Variants in GALNT14 observed in about 807,000 individuals in gnomAD.
GALNT14 encodes UDP-GalNAc:polypeptide N-acetylgalactosaminyltransferase 14.
A neutral mutation model predicts 77.5 loss-of-function variants in GALNT14; 60 were observed. The observed-to-expected ratio is 0.77, with a 90% CI of 0.63 to 0.96. GALNT14 has a LOEUF of 0.96. Among genes scored for constraint, GALNT14 ranks in the 40% least tolerant of loss-of-function variants. The probability of loss-of-function intolerance (pLI) is 0.00; values close to 1 mark genes in which losing one functional copy is unlikely to be tolerated. For missense variants in GALNT14, 710 were observed against 731.0 expected, an observed-to-expected ratio of 0.97 and a Z score of 0.33; for synonymous variants, 280 against 281.7, an observed-to-expected ratio of 0.99 and a Z score of 0.06.
chr2:31,082,716 A>C (rs1006276919), intron 1 of GALNT14, among the ~76,000 whole-genome samples: 1 of 152,164 alleles, frequency 6.6e-6, no homozygotes, highest in Non-Finnish European at 1.5e-5. Context: ...AAAAAGGAAG[A>C]AATAATGATA....
the GALNT14 span, among the ~76,000 whole-genome samples, chr2:30,889,315 C>T: frequency 5.3e-5 from 8 of 152,136 alleles, no homozygotes; most frequent in South Asian, 2.1e-4. Flanking sequence ...AGCAGGACTG[C>T]GGGGTATACT....
intron 1 of GALNT14, among the ~76,000 whole-genome samples, chr2:31,083,420 G>A (rs140577845): frequency 4.2e-4 from 64 of 152,294 alleles, no homozygotes; most frequent in African/African-American, 1.4e-3. Context: ...AATCATTAAC[G>A]AGCTGTCTGG....
At chr2:31,017,102 A>G (rs2148452873) in intron 1 of GALNT14, among the ~76,000 whole-genome samples, 1 of 152,340 alleles carries the variant, frequency 6.6e-6, no homozygotes, top group Admixed American at 6.5e-5. Flanking sequence ...TGTCTGGCCC[A>G]TGCTCTTTCT....
intron 1 of GALNT14, among the ~76,000 whole-genome samples, chr2:31,053,115 G>A (rs1473287690): frequency 6.6e-6 from 1 of 152,082 alleles, no homozygotes; most frequent in East Asian, 1.9e-4. Context: ...CAGCTCACTT[G>A]CCCCCAAGCC....
intron 13 of GALNT14, among the ~76,000 whole-genome samples, chr2:30,920,939 A>AACCC (rs1420065256): frequency 1.3e-5 from 2 of 152,140 alleles, no homozygotes; most frequent in African/African-American, 4.8e-5. Flanking sequence ...TGGTGACACC[A>AACCC]ACCCAGTTGT....
chr2:31,125,844 C>A (rs2194472), intron 1 of GALNT14, among the ~76,000 whole-genome samples: 1 of 152,154 alleles, frequency 6.6e-6, no homozygotes, highest in Non-Finnish European at 1.5e-5. Context: ...CAGGACGATT[C>A]CTCTCTGAGG....
intron 1 of GALNT14, among the ~76,000 whole-genome samples, chr2:31,131,410 C>G (rs1322234965): frequency 2.0e-5 from 3 of 152,140 alleles, no homozygotes; most frequent in Non-Finnish European, 4.4e-5. Flanking sequence ...TTCTAGGTCT[C>G]TGGGGTGGAA....
intron 3 of GALNT14, among the ~76,000 whole-genome samples, chr2:30,960,457 G>A (rs1344323440): frequency 2.0e-5 from 3 of 151,738 alleles, no homozygotes; most frequent in Non-Finnish European, 4.4e-5. Flanking sequence ...GATGATTAGT[G>A]AATAAAAAAT....
chr2:31,048,832 C>T (rs1558524907), intron 1 of GALNT14, among the ~76,000 whole-genome samples: 2 of 152,094 alleles, frequency 1.3e-5, no homozygotes, highest in Admixed American at 1.3e-4. Context: ...GAGAAGTGCC[C>T]CACGTCCTTG....
At chr2:30,901,957 T>G in the GALNT14 span, among the ~76,000 whole-genome samples, 1 of 152,182 alleles carries the variant, frequency 6.6e-6, no homozygotes, top group African/African-American at 2.4e-5. Flanking sequence ...CTGATAGCAT[T>G]TGACAAACTT....
At chr2:31,026,106 G>A (rs762035292) in intron 1 of GALNT14, among the ~76,000 whole-genome samples, 15 of 152,156 alleles carry the variant, frequency 9.9e-5, no homozygotes, top group Admixed American at 3.9e-4. Flanking sequence ...CAGAGAGCTC[G>A]TCCTCAGACA....
intron 10 of GALNT14, among the ~76,000 whole-genome samples, chr2:30,930,840 C>G (rs533809558): frequency 6.6e-6 from 1 of 152,264 alleles, no homozygotes; most frequent in African/African-American, 2.4e-5. Context: ...ACATTGGAAG[C>G]TGTTTAGCAG....
intron 1 of GALNT14, among the ~76,000 whole-genome samples, chr2:31,053,611 A>G (rs138972553): frequency 6.6e-6 from 1 of 152,284 alleles, no homozygotes; most frequent in Non-Finnish European, 1.5e-5. Context: ...CCCCTGAGGC[A>G]TCTGCTCCAT....
chr2:31,060,885 A>G (rs1281905797), intron 1 of GALNT14, among the ~76,000 whole-genome samples: 1 of 152,194 alleles, frequency 6.6e-6, no homozygotes, highest in Non-Finnish European at 1.5e-5. Flanking sequence ...CAGCAGTGTG[A>G]TGGGCTTCTA....
the GALNT14 span, among the ~76,000 whole-genome samples, chr2:30,895,373 A>T: frequency 6.6e-6 from 1 of 152,184 alleles, no homozygotes; most frequent in Non-Finnish European, 1.5e-5. Context: ...ACGGAGACAC[A>T]AAGTGTTCCA....
intron 1 of GALNT14, among the ~76,000 whole-genome samples, chr2:31,035,612 CACACCT>C (rs1302463888): frequency 0.012 from 500 of 40,246 alleles, 11 homozygotes; most frequent in Middle Eastern, 0.094. Flanking sequence ...CACACACACA[CACACCT>C]ACACACACAC....
chr2:31,112,282 T>C (rs1677879315), intron 1 of GALNT14, among the ~76,000 whole-genome samples: 1 of 152,228 alleles, frequency 6.6e-6, no homozygotes, highest in Non-Finnish European at 1.5e-5. Context: ...AACCTGTGCT[T>C]GCCAACAACA....
downstream of GALNT14, among the ~76,000 whole-genome samples, chr2:30,907,793 T>C (rs1307697787): frequency 1.3e-5 from 2 of 148,472 alleles, no homozygotes; most frequent in African/African-American, 2.5e-5. Flanking sequence ...TTGATGAACA[T>C]TGATGCAAAA....
At chr2:31,081,393 A>G (rs1676149089) in intron 1 of GALNT14, among the ~76,000 whole-genome samples, 1 of 152,252 alleles carries the variant, frequency 6.6e-6, no homozygotes, top group Non-Finnish European at 1.5e-5. Context: ...CGGAACTACA[A>G]AAGTTGAAAA....
Sources: gnomAD v4.1 joint callset for allele counts (sites outside exome capture counted in the v4.1 genomes callset) on GRCh38, gnomAD v4.1.1 for gene constraint, MANE v1.5 for transcripts, NCBI Gene and HGNC (gene_info 2026-07-23, HGNC 2026-07-21) for gene names.